Variants in SGCD observed in about 807,000 individuals in gnomAD.
SGCD encodes sarcoglycan delta.
SGCD carries 18 observed loss-of-function variants against 36.6 expected under a neutral mutation model. The ratio of observed to expected loss-of-function variants is 0.49; its 90% CI spans 0.34 to 0.73. SGCD has a LOEUF of 0.73. Ranked by LOEUF, SGCD falls within the 30% of genes least tolerant of loss-of-function variation. The pLI is 0.01. For missense variants in SGCD, 387 were observed against 346.7 expected (o/e 1.12, Z -0.92); for synonymous variants, 133 against 130.6 (o/e 1.02, Z -0.12).
intron 3 of SGCD, among the ~76,000 whole-genome samples, chr5:156,241,287 T>TGTGTGTGC (rs1023757470): frequency 2.0e-5 from 3 of 148,598 alleles, no homozygotes; most frequent in African/African-American, 7.4e-5. Context: ...TGTGTGTGTG[T>TGTGTGTGC]GCATGTATGT....
At chr5:156,470,607 C>A (rs1581039633) in intron 3 of SGCD, among the ~76,000 whole-genome samples, 1 of 150,116 alleles carries the variant, frequency 6.7e-6, no homozygotes, top group Non-Finnish European at 1.5e-5. Flanking sequence ...GGTTTTTTGT[C>A]CTTGCGATAG....
At chr5:156,508,769 T>A in intron 4 of SGCD, 67 bp downstream of exon 4, 1 of 941,516 alleles carries the variant, frequency 1.1e-6, no homozygotes, top group Admixed American at 2.2e-5. Context: ...GGAATTGATC[T>A]TGCTATCAGC....
chr5:155,752,115 C>T, the SGCD span, among the ~76,000 whole-genome samples: 9 of 152,332 alleles, frequency 5.9e-5, no homozygotes, highest in Admixed American at 5.2e-4. Context: ...TTGCCAATAT[C>T]TTAGCCAAAA....
intron 3 of SGCD, among the ~76,000 whole-genome samples, chr5:156,355,287 G>A (rs1769440621): frequency 6.6e-6 from 1 of 152,174 alleles, no homozygotes. Context: ...AAGACCCAGA[G>A]CTGTGGGATT....
intron 2 of SGCD, among the ~76,000 whole-genome samples, chr5:156,341,297 A>G (rs1000928918): frequency 6.6e-6 from 1 of 152,228 alleles, no homozygotes; most frequent in Admixed American, 6.5e-5. Context: ...TGCTTTAAGC[A>G]GAGGAACTCC....
chr5:156,121,857 G>A (rs1215706755), intron 2 of SGCD, among the ~76,000 whole-genome samples: 3 of 152,004 alleles, frequency 2.0e-5, no homozygotes, highest in Non-Finnish European at 4.4e-5. Context: ...GGAAGCAAAG[G>A]CAGAAAATCT....
intron 1 of SGCD, among the ~76,000 whole-genome samples, chr5:156,092,800 A>T (rs1048657990): frequency 1.3e-5 from 2 of 152,218 alleles, no homozygotes; most frequent in African/African-American, 4.8e-5. Context: ...GCATTCTGAC[A>T]TATAGAGAAA....
At chr5:156,377,459 G>T (rs1486388589) in intron 3 of SGCD, among the ~76,000 whole-genome samples, 1 of 152,146 alleles carries the variant, frequency 6.6e-6, no homozygotes, top group African/African-American at 2.4e-5. Context: ...AAAAAGTAAT[G>T]ATTTGTTATA....
At chr5:155,825,290 T>C in the SGCD span, among the ~76,000 whole-genome samples, 1 of 152,166 alleles carries the variant, frequency 6.6e-6, no homozygotes, top group African/African-American at 2.4e-5. Context: ...AGCAGCTAAA[T>C]AGCAAGGGGA....
At chr5:156,260,920 A>C (rs1038153003) in intron 3 of SGCD, among the ~76,000 whole-genome samples, 2 of 152,136 alleles carry the variant, frequency 1.3e-5, no homozygotes, top group Non-Finnish European at 2.9e-5. Context: ...AGCATCTATG[A>C]AGGTGGTTAT....
intron 4 of SGCD, among the ~76,000 whole-genome samples, chr5:156,518,982 C>G (rs1486691608): frequency 6.6e-6 from 1 of 151,202 alleles, no homozygotes; most frequent in African/African-American, 2.4e-5. Context: ...AGCTAGCAGA[C>G]AAGAAGTTAC....
rs150892444 is a variant in SGCD at position 155,945,378 on chromosome 5, G to A, written c.-282+74954G>A. On this transcript the variant is annotated intron_variant, in intron 1 of 9. Coordinates refer to the SGCD transcript ENST00000517913. ...GAACATCAACTCTGTGCCTGGCTCT[G>A]TGTTAGTTACTGGGAAAACAGTGGT... Among the ~76,000 whole-genome samples the A allele has an allele frequency of 2.6e-3, 389 of 152,308 alleles. 4 individuals are homozygous for A. Among genetic ancestry groups the A allele is most frequent in the Non-Finnish European group, 1.9e-3 (126 of 68,026 alleles).
intron 3 of SGCD, among the ~76,000 whole-genome samples, chr5:156,288,825 T>A (rs1346627225): frequency 6.6e-6 from 1 of 152,204 alleles, no homozygotes; most frequent in Non-Finnish European, 1.5e-5. Context: ...CCGTAGGATC[T>A]AGACACTGGC....
intron 3 of SGCD, among the ~76,000 whole-genome samples, chr5:156,221,713 T>C (rs909590906): frequency 3.3e-5 from 5 of 152,108 alleles, no homozygotes; most frequent in Non-Finnish European, 7.4e-5. Flanking sequence ...CTAGAGATGA[T>C]AGTAAAGCAA....
chr5:156,073,344 G>A (rs1194963664), intron 1 of SGCD, among the ~76,000 whole-genome samples: 1 of 152,120 alleles, frequency 6.6e-6, no homozygotes, highest in Non-Finnish European at 1.5e-5. Flanking sequence ...GATTACTTTA[G>A]CCCAGGATTT....
At chr5:156,081,551 G>A (rs771585150) in intron 1 of SGCD, among the ~76,000 whole-genome samples, 2 of 152,144 alleles carry the variant, frequency 1.3e-5, no homozygotes, top group East Asian at 1.9e-4. Context: ...ATGCTACCAC[G>A]TGCAACTAAT....
chr5:156,059,737 G>C (rs1183023141), intron 1 of SGCD, among the ~76,000 whole-genome samples: 1 of 146,774 alleles, frequency 6.8e-6, no homozygotes, highest in African/African-American at 2.5e-5. Flanking sequence ...TCACAGGTTT[G>C]GTAGTATAGT....
rs570400771 is a variant in SGCD, at chr5:156,266,802, T to G, written c.-43-62732T>G. Among the ~76,000 whole-genome samples, 6 of 151,216 alleles carry G rather than the reference T, an allele frequency of 4.0e-5. No individual in the cohort carries two copies. In the South Asian group the frequency reaches 1.1e-3, roughly 26 times the overall value. On this transcript the variant is annotated intron_variant, in intron 3 of 9. Transcript: ENST00000517913. ...GTTTTTTTTTTTTTTTGGTAGAATA[T>G]CATTTCTTTATTAAAATTGTATTAA...
the SGCD span, among the ~76,000 whole-genome samples, chr5:155,778,767 G>T: frequency 6.6e-6 from 1 of 151,962 alleles, no homozygotes; most frequent in Non-Finnish European, 1.5e-5. Flanking sequence ...TTTTTTCTCC[G>T]ACTCTATCTG....
Sources: gnomAD v4.1 joint callset for allele counts (sites outside exome capture counted in the v4.1 genomes callset) on GRCh38, gnomAD v4.1.1 for gene constraint, MANE v1.5 for transcripts, NCBI Gene and HGNC (gene_info 2026-07-23, HGNC 2026-07-21) for gene names.